The following NSF variants were observed in gnomAD, a reference collection of about 807,000 sequenced individuals.
NSF encodes vesicle-fusing ATPase.
A neutral mutation model predicts 50.3 loss-of-function variants in NSF; 14 were observed. The ratio of observed to expected loss-of-function variants is 0.28; its 90% CI spans 0.18 to 0.44. The LOEUF (loss-of-function observed/expected upper bound fraction) is 0.44. Among genes scored for constraint, NSF ranks in the 20% least tolerant of loss-of-function variants. The pLI is 1.00. For missense variants in NSF, 218 were observed against 504.3 expected (o/e 0.43, Z 5.44); for synonymous variants, 109 against 175.7 (o/e 0.62, Z 3.00).
chr17:46,708,001 C>G (rs2058673352), intron 13 of NSF, among the ~76,000 whole-genome samples: 1 of 150,726 alleles, frequency 6.6e-6, no homozygotes, highest in Non-Finnish European at 1.5e-5. Context: ...CCACTGCACG[C>G]CAGCCTGGTG....
At chr17:46,733,673 T>C (rs2058972519) in intron 17 of NSF, among the ~76,000 whole-genome samples, 1 of 152,222 alleles carries the variant, frequency 6.6e-6, no homozygotes, top group South Asian at 2.1e-4. Context: ...GCCAGGGCTC[T>C]AGCCTTCCCA....
At chr17:46,638,716 A>G (rs1322547319) in intron 5 of NSF, among the ~76,000 whole-genome samples, 1 of 137,860 alleles carries the variant, frequency 7.3e-6, no homozygotes, top group Non-Finnish European at 1.5e-5. Flanking sequence ...GGGTTTTGCC[A>G]TGTTGGCCAG....
At chr17:46,725,473 A>G (rs2058879100) in intron 15 of NSF, among the ~76,000 whole-genome samples, 1 of 152,190 alleles carries the variant, frequency 6.6e-6, no homozygotes, top group African/African-American at 2.4e-5. Flanking sequence ...ATGCCAGGAA[A>G]GAGGTAAGGA....
chr17:46,716,240 C>G (rs2316278), intron 15 of NSF, among the ~76,000 whole-genome samples: 23,206 of 148,228 alleles, frequency 0.16, 3,515 homozygotes, highest in East Asian at 0.61. Context: ...AGTCTACCTC[C>G]CACTACTGTT....
At chr17:46,712,692 A>C (rs919199832) in intron 14 of NSF, among the ~76,000 whole-genome samples, 1 of 152,180 alleles carries the variant, frequency 6.6e-6, no homozygotes, top group African/African-American at 2.4e-5. Flanking sequence ...GAACGAAATC[A>C]CTTACAGTGA....
chr17:46,749,427 C>T (rs895295268), intron 17 of NSF, among the ~76,000 whole-genome samples: 11 of 152,120 alleles, frequency 7.2e-5, no homozygotes, highest in African/African-American at 2.7e-4. Flanking sequence ...CATCTTTTTT[C>T]CCCAATTCCC....
chr17:46,751,187 A>T (rs1193488979), intron 18 of NSF, among the ~76,000 whole-genome samples: 1 of 152,200 alleles, frequency 6.6e-6, no homozygotes, highest in African/African-American at 2.4e-5. Context: ...ACACATACAG[A>T]TTGTTCCTAG....
At chr17:46,725,835 A>C (rs958019658) in intron 15 of NSF, among the ~76,000 whole-genome samples, 2 of 152,178 alleles carry the variant, frequency 1.3e-5, no homozygotes, top group African/African-American at 4.8e-5. Context: ...AGTCTCTGGA[A>C]TAGTACCTTC....
chr17:46,744,671 TG>T (rs1345500823), intron 17 of NSF, among the ~76,000 whole-genome samples: 1 of 152,222 alleles, frequency 6.6e-6, no homozygotes, highest in Non-Finnish European at 1.5e-5. Context: ...ATCAGTTTAT[TG>T]GGTCCAATCA....
intron 17 of NSF, among the ~76,000 whole-genome samples, chr17:46,740,928 T>A (rs1011832934): frequency 9.2e-5 from 14 of 152,140 alleles, no homozygotes; most frequent in African/African-American, 2.7e-4. Context: ...TCTTCTTAAT[T>A]TATTTAACCT....
At chr17:46,728,389 AT>A (rs1162003775) in intron 16 of NSF, among the ~76,000 whole-genome samples, 10 of 151,730 alleles carry the variant, frequency 6.6e-5, no homozygotes, top group African/African-American at 1.7e-4. Context: ...TACACCTGGA[AT>A]TTTTTTTTCC....
At chr17:46,605,999 A>C in intron 1 of NSF, among the ~76,000 whole-genome samples, 2 of 2,932 alleles carry the variant, frequency 6.8e-4, no homozygotes, top group Non-Finnish European at 8.8e-4. Context: ...AAAATACAAA[A>C]AAAAAAAAAA....
At chr17:46,602,797 A>G (rs1278709411) in intron 1 of NSF, among the ~76,000 whole-genome samples, 4 of 144,936 alleles carry the variant, frequency 2.8e-5, no homozygotes, top group Admixed American at 2.8e-4. Context: ...TAATTTTGTG[A>G]ACCATAGCAG....
At chr17:46,708,164 A>G (rs531474438) in intron 13 of NSF, among the ~76,000 whole-genome samples, 60 of 152,224 alleles carry the variant, frequency 3.9e-4, no homozygotes, top group African/African-American at 1.3e-3. Flanking sequence ...GGCTGTACAG[A>G]TATCTCTTCA....
intron 4 of NSF, among the ~76,000 whole-genome samples, chr17:46,635,779 G>GTGTGTA (rs1187823448): frequency 8.2e-6 from 1 of 121,234 alleles, no homozygotes; most frequent in African/African-American, 3.9e-5. Context: ...GAAAATAAAT[G>GTGTGTA]TGTGTGTGTG....
In NSF at chr17:46,755,936, T is replaced by TC. The variant is rs1457156212; in HGVS notation, c.*114dup. The TC allele has an allele frequency of 1.0e-6, 1 of 990,916 alleles. No individual in the cohort carries two copies. The highest frequency in any genetic ancestry group is 1.6e-5 in the African/African-American group (1 of 62,028). 61.4% of individuals were successfully genotyped at this position (990,916 alleles called of 1,614,324 possible). A position where few individuals can be genotyped will look rare whatever the true frequency, so the allele number is the denominator to read the frequency against. On this transcript the variant is annotated 3_prime_UTR_variant, in exon 21 of 21. Coordinates refer to ENST00000398238, the MANE Select transcript of NSF (RefSeq NM_006178.4). ...GGACTAAGTGGAACGTTCTCTACCT[T>TC]CAACATGTGCTCGCTCTGCATGATT...
intron 15 of NSF, 135 bp downstream of exon 15, chr17:46,714,121 G>A (rs775865791): frequency 1.7e-5 from 14 of 838,206 alleles, no homozygotes; most frequent in Non-Finnish European, 2.3e-5. Context: ...CAAATTATCA[G>A]CAGAATATGG....
At chr17:46,740,662 CTTT>C (rs36000135) in intron 17 of NSF, among the ~76,000 whole-genome samples, 7 of 137,098 alleles carry the variant, frequency 5.1e-5, no homozygotes, top group Non-Finnish European at 6.4e-5. Context: ...TTATCTTTTT[CTTT>C]TTTTTTTTTT....
rs151339943 is a variant in NSF at position 46,656,958 on chromosome 17, C to CA, written c.745+13715dup. On this transcript the variant is annotated intron_variant, in intron 8 of 20. Coordinates refer to ENST00000398238, the MANE Select transcript of NSF (RefSeq NM_006178.4). ...AGTTTTAGCTGTATATACATAGAAC[C>CA]AAAAAAAAAAAAAAAAGCATTTTGC... Among the ~76,000 whole-genome samples, 6 of 2,148 alleles carry CA rather than the reference C, an allele frequency of 2.8e-3. 2 individuals are homozygous for CA. Among genetic ancestry groups the CA allele is most frequent in the Admixed American group, 0.012 (1 of 82 alleles). 1.4% of individuals were successfully genotyped at this position (2,148 alleles called of 152,430 possible). A position where few individuals can be genotyped will look rare whatever the true frequency, so the allele number is the denominator to read the frequency against.
Sources: allele counts gnomAD v4.1 joint callset (sites outside exome capture counted in the v4.1 genomes callset), GRCh38; gene constraint gnomAD v4.1.1; transcripts MANE v1.5; gene names NCBI Gene and HGNC (gene_info 2026-07-23, HGNC 2026-07-21).